SCFD2: variants seen among roughly 807,000 people sequenced by gnomAD.
SCFD2 encodes the protein sec1 family domain-containing protein 2.
Under a neutral mutation model 58.9 loss-of-function variants are expected in SCFD2, and 54 were observed. The observed-to-expected ratio is 0.92, with a 90% CI of 0.74 to 1.15. The LOEUF is 1.15. SCFD2 is among the 50% of genes most tolerant of loss of function. The probability of loss-of-function intolerance (pLI) is 0.00; values close to 1 mark genes in which losing one functional copy is unlikely to be tolerated. For missense variants in SCFD2, 805 were observed against 836.6 expected, an observed-to-expected ratio of 0.96 and a Z score of 0.47; for synonymous variants, 321 against 335.9, an observed-to-expected ratio of 0.96 and a Z score of 0.49.
At chr4:53,351,882 A>C (rs1291067321) in intron 2 of SCFD2, among the ~76,000 whole-genome samples, 1 of 152,238 alleles carries the variant, frequency 6.6e-6, no homozygotes, top group Admixed American at 6.5e-5. Context: ...ATTTAAAACT[A>C]TAATACTGAA....
intron 2 of SCFD2, among the ~76,000 whole-genome samples, chr4:53,349,008 T>C (rs1487360522): frequency 6.6e-6 from 1 of 152,138 alleles, no homozygotes; most frequent in Admixed American, 6.5e-5. Flanking sequence ...GGTGTGATTT[T>C]TGAATGGCAC....
At chr4:53,217,897 T>G (rs1728906315) in intron 4 of SCFD2, among the ~76,000 whole-genome samples, 1 of 152,194 alleles carries the variant, frequency 6.6e-6, no homozygotes. Context: ...CTCCTTCACT[T>G]ATGAAGCTTA....
intron 4 of SCFD2, among the ~76,000 whole-genome samples, chr4:53,262,786 G>A (rs980198387): frequency 3.3e-5 from 5 of 152,152 alleles, no homozygotes; most frequent in African/African-American, 9.7e-5. Context: ...TCTGGTATTT[G>A]GATGTCTAGA....
At chr4:53,325,519 G>C (rs1260827129) in intron 2 of SCFD2, among the ~76,000 whole-genome samples, 1 of 120,952 alleles carries the variant, frequency 8.3e-6, no homozygotes, top group East Asian at 2.2e-4. Flanking sequence ...GAAGGTTCTA[G>C]ATACCACATT....
intron 5 of SCFD2, among the ~76,000 whole-genome samples, chr4:52,965,677 A>T (rs1720947126): frequency 6.6e-6 from 1 of 152,216 alleles, no homozygotes; most frequent in Non-Finnish European, 1.5e-5. Flanking sequence ...GTAGCCAGCA[A>T]GCCTGGCTGG....
chr4:53,006,639 C>T (rs1166830677), intron 5 of SCFD2, among the ~76,000 whole-genome samples: 2 of 152,202 alleles, frequency 1.3e-5, no homozygotes, highest in African/African-American at 2.4e-5. Flanking sequence ...ATAACCTGTT[C>T]TGTTTTAGGT....
At chr4:53,328,797 A>G (rs964806289) in intron 2 of SCFD2, among the ~76,000 whole-genome samples, 1 of 152,232 alleles carries the variant, frequency 6.6e-6, no homozygotes, top group African/African-American at 2.4e-5. Flanking sequence ...TGAGTGACGC[A>G]GAAGACAGGT....
At chr4:53,054,022 C>T (rs868015009) in intron 5 of SCFD2, among the ~76,000 whole-genome samples, 1 of 151,964 alleles carries the variant, frequency 6.6e-6, no homozygotes, top group African/African-American at 2.4e-5. Context: ...CTCTGAAACA[C>T]TAAGTCTTAT....
Position 53,365,012 on chromosome 4 carries a change from A to G in SCFD2, c.838+92T>C, listed in dbSNP as rs1734651778. ...CATCTTTGTATCCTCAATCTAATAT[A>G]TAATAAAAGGTCAATAAAATATATG... On this transcript the variant is annotated intron_variant, in intron 1 of 8. Coordinates refer to ENST00000401642, the MANE Select transcript of SCFD2 (RefSeq NM_152540.4). This position sits in a 1 kb window ranked among gnomAD's most constrained non-coding sequence, Gnocchi z 4.3. The G allele has an allele frequency of 7.0e-7, 1 of 1,425,550 alleles. No individual in the cohort carries two copies. Among genetic ancestry groups the G allele is most frequent in the Admixed American group, 2.2e-5 (1 of 44,568 alleles). The allele number at this position is 1,425,550 out of a possible 1,614,324, so 88.3% of individuals were successfully genotyped here.
At chr4:53,329,266 C>T (rs1223617950) in intron 2 of SCFD2, among the ~76,000 whole-genome samples, 1 of 152,196 alleles carries the variant, frequency 6.6e-6, no homozygotes, top group Non-Finnish European at 1.5e-5. Flanking sequence ...GCCTGCCTGC[C>T]TCTGTAGGCT....
At chr4:53,045,074 A>C (rs1239018399) in intron 5 of SCFD2, among the ~76,000 whole-genome samples, 1 of 152,204 alleles carries the variant, frequency 6.6e-6, no homozygotes, top group Non-Finnish European at 1.5e-5. Context: ...TAGTAGGAGA[A>C]TAGCAATATT....
At chr4:53,007,097 G>A (rs1216960779) in intron 5 of SCFD2, among the ~76,000 whole-genome samples, 1 of 151,770 alleles carries the variant, frequency 6.6e-6, no homozygotes, top group Non-Finnish European at 1.5e-5. Flanking sequence ...CCTGGGCAAC[G>A]TAATGAGACC....
intron 2 of SCFD2, among the ~76,000 whole-genome samples, chr4:53,325,586 GT>G (rs1733167255): frequency 6.6e-6 from 1 of 152,182 alleles, no homozygotes; most frequent in African/African-American, 2.4e-5. Flanking sequence ...GTTGGAATGT[GT>G]TTTGTGAGAT....
intron 5 of SCFD2, among the ~76,000 whole-genome samples, chr4:53,104,776 A>C (rs190384778): frequency 4.8e-4 from 73 of 152,348 alleles, no homozygotes; most frequent in Non-Finnish European, 3.4e-4. Context: ...GCAGAATATC[A>C]TCACAAAACA....
At chr4:53,338,124 T>C (rs1384870745) in intron 2 of SCFD2, among the ~76,000 whole-genome samples, 1 of 152,200 alleles carries the variant, frequency 6.6e-6, no homozygotes, top group East Asian at 1.9e-4. Context: ...GCTGATACTT[T>C]GATTTTAGGG....
At chr4:53,313,211 C>T (rs766187667) in intron 3 of SCFD2, among the ~76,000 whole-genome samples, 1 of 152,124 alleles carries the variant, frequency 6.6e-6, no homozygotes, top group African/African-American at 2.4e-5. Context: ...CCATGTCTGA[C>T]TGCTCAATTC....
chr4:53,177,808 A>T (rs1727390779), intron 4 of SCFD2, among the ~76,000 whole-genome samples: 1 of 152,150 alleles, frequency 6.6e-6, no homozygotes, highest in Non-Finnish European at 1.5e-5. Flanking sequence ...CCACCCTAAT[A>T]CTGCACTTTT....
At chr4:53,242,022 G>A (rs73816051) in intron 4 of SCFD2, among the ~76,000 whole-genome samples, 1 of 152,320 alleles carries the variant, frequency 6.6e-6, no homozygotes, top group African/African-American at 2.4e-5. Context: ...CTGGACAGGG[G>A]CTCCCAGCCC....
At chr4:52,931,261 A>C (rs1719987415) in intron 5 of SCFD2, among the ~76,000 whole-genome samples, 1 of 152,216 alleles carries the variant, frequency 6.6e-6, no homozygotes, top group African/African-American at 2.4e-5. Context: ...GAATAGCTCA[A>C]AATGGTTTGC....
Sources: allele counts gnomAD v4.1 joint callset (sites outside exome capture counted in the v4.1 genomes callset), GRCh38; gene constraint gnomAD v4.1.1; non-coding constraint Gnocchi (gnomAD v3.1); transcripts MANE v1.5; gene names NCBI Gene and HGNC (gene_info 2026-07-23, HGNC 2026-07-21).